GRAMD1B: variants seen among roughly 807,000 people sequenced by gnomAD.
GRAMD1B encodes the protein GRAM domain containing 1B.
GRAMD1B carries 37 observed loss-of-function variants against 99.7 expected under a neutral mutation model. The observed-to-expected ratio is 0.37, with a 90% confidence interval of 0.29 to 0.49. GRAMD1B has a LOEUF of 0.49. GRAMD1B is among the 20% of genes least tolerant of loss of function. The probability of loss-of-function intolerance (pLI) is 0.98; values close to 1 mark genes in which losing one functional copy is unlikely to be tolerated. For missense variants in GRAMD1B, 888 were observed against 1,009.2 expected (o/e 0.88, Z 1.63); for synonymous variants, 427 against 387.6 (o/e 1.10, Z -1.19).
chr11:123,441,250 T>C (rs1200928172), intron 1 of GRAMD1B, among the ~76,000 whole-genome samples: 1 of 151,872 alleles, frequency 6.6e-6, no homozygotes, highest in Non-Finnish European at 1.5e-5. Flanking sequence ...TACTCACTCA[T>C]TCTCGAAAGA....
chr11:123,466,632 CCA>C, intron 1 of GRAMD1B, among the ~76,000 whole-genome samples: 1 of 152,110 alleles, frequency 6.6e-6, no homozygotes, highest in Non-Finnish European at 1.5e-5. Context: ...AAGAGATTTT[CCA>C]CAGGCAGGAA....
chr11:123,399,614 A>T (rs1259748626), intron 1 of GRAMD1B, among the ~76,000 whole-genome samples: 2 of 151,336 alleles, frequency 1.3e-5, no homozygotes, highest in African/African-American at 2.4e-5. Context: ...TTTTGTATTT[A>T]TTTATTTATT....
chr11:123,574,207 A>G (rs1345455462), intron 2 of GRAMD1B, among the ~76,000 whole-genome samples: 1 of 152,150 alleles, frequency 6.6e-6, no homozygotes, highest in Non-Finnish European at 1.5e-5. Context: ...TATTAAGGGA[A>G]TTGGGGGAAA....
rs532362759 is a variant in GRAMD1B, at chr11:123,448,461, T to G, written c.374+17295T>G. On this transcript the variant is annotated intron_variant, in intron 1 of 19. Transcript: ENST00000635736. ...TCTCATACGCTTGGTCTCAAGCAAT[T>G]CGCCCGCCTTGGCCTCCCAAGTGCT... Among the ~76,000 whole-genome samples the G allele has an allele frequency of 3.9e-5, 6 of 152,112 alleles. No individual in the cohort carries two copies. The East Asian group carries it at 1.2e-3, about 30-fold the overall frequency.
At chr11:123,403,353 G>A (rs1947734058) in intron 1 of GRAMD1B, among the ~76,000 whole-genome samples, 1 of 151,214 alleles carries the variant, frequency 6.6e-6, no homozygotes, top group Non-Finnish European at 1.5e-5. Flanking sequence ...TTTGAACACA[G>A]GAGATGGAGG....
At chr11:123,549,361 G>A (rs1315650224) in intron 2 of GRAMD1B, among the ~76,000 whole-genome samples, 2 of 152,022 alleles carry the variant, frequency 1.3e-5, no homozygotes, top group Admixed American at 6.6e-5. Flanking sequence ...TGGCTAAGAC[G>A]GTGAAACCAT....
chr11:123,598,455 A>G, intron 7 of GRAMD1B: 1 of 991,046 alleles, frequency 1.0e-6, no homozygotes, highest in East Asian at 2.4e-5. Flanking sequence ...TTCTCCGAGA[A>G]TCTCTACGTA....
chr11:123,619,334 T>C, intron 19 of GRAMD1B, 110 bp downstream of exon 19: 1 of 1,526,474 alleles, frequency 6.6e-7, no homozygotes, highest in Non-Finnish European at 8.8e-7. Flanking sequence ...GACTTCTCCC[T>C]CCAATTCATT....
In GRAMD1B at chr11:123,595,828, T is replaced by A. The variant is rs2136597406; in HGVS notation, c.874-114T>A. On this transcript the variant is annotated intron_variant, in intron 6 of 19. Transcript: ENST00000635736. ...ACCAATGCGGCCTCTTCCAGGGTTA[T>A]AAATATGTGATCTGATTGCCTCTGT... 6.6e-6 allele frequency: 4 copies of A among 605,800 alleles called. No homozygotes were observed. In the East Asian group the frequency reaches 8.6e-5, roughly 13 times the overall value. 37.5% of individuals were successfully genotyped at this position (605,800 alleles called of 1,614,324 possible).
intron 1 of GRAMD1B, among the ~76,000 whole-genome samples, chr11:123,391,389 C>T (rs568293338): frequency 6.6e-6 from 1 of 152,222 alleles, no homozygotes; most frequent in African/African-American, 2.4e-5. Context: ...CTTTCTGTCA[C>T]CTCATTGAAA....
At chr11:123,374,819 G>A (rs376507522) in intron 1 of GRAMD1B, among the ~76,000 whole-genome samples, 1 of 152,276 alleles carries the variant, frequency 6.6e-6, no homozygotes, top group South Asian at 2.1e-4. Context: ...CTGGTGCTGC[G>A]TTGCCATGAG....
Position 123,430,782 on chromosome 11 carries a change from C to A in GRAMD1B, c.-11C>A. 1.5e-6 allele frequency: 1 copy of A among 668,252 alleles called. No homozygotes were observed. Among genetic ancestry groups the A allele is most frequent in the South Asian group, 1.6e-5 (1 of 61,058 alleles). The allele number at this position is 668,252 out of a possible 1,614,324, so 41.4% of individuals were successfully genotyped here. A position where few individuals can be genotyped will look rare whatever the true frequency, so the allele number is the denominator to read the frequency against. On this transcript the variant is annotated 5_prime_UTR_variant, in exon 1 of 20. Transcript: ENST00000635736. ...GGAGGGCTCAGGGGGAGCGCAGAGG[C>A]GACGGCCCCCATGCCGGCGGCCAAC...
In GRAMD1B at chr11:123,414,427, C is replaced by T. The variant is rs143458675; in HGVS notation, c.-176+55628C>T. Among the ~76,000 whole-genome samples, 642 of 152,278 alleles carry T rather than the reference C, an allele frequency of 4.2e-3. 2 individuals carry two copies. The highest frequency in any genetic ancestry group is 6.8e-3 in the Non-Finnish European group (461 of 68,010). On this transcript the variant is annotated intron_variant, in intron 1 of 20. Coordinates refer to the GRAMD1B transcript ENST00000638157. ...TTATTGTGTGCCAGGGACAGTGTTA[C>T]GTACTCTGCACCACATCTCACTTAA...
chr11:123,491,416 G>A (rs969152565), intron 2 of GRAMD1B, among the ~76,000 whole-genome samples: 1 of 152,092 alleles, frequency 6.6e-6, no homozygotes, highest in Non-Finnish European at 1.5e-5. Flanking sequence ...CCCTTACCAT[G>A]GGGAGAGAGC....
intron 3 of GRAMD1B, among the ~76,000 whole-genome samples, chr11:123,583,395 C>CGT (rs754520823): frequency 0.29 from 23,760 of 81,054 alleles, 1,905 homozygotes; most frequent in East Asian, 0.45. Context: ...TGTATGTGTG[C>CGT]GTGTGTGTGT....
chr11:123,445,641 C>A (rs1460574999), intron 1 of GRAMD1B, among the ~76,000 whole-genome samples: 1 of 151,920 alleles, frequency 6.6e-6, no homozygotes, highest in East Asian at 1.9e-4. Flanking sequence ...CATGGTGAAA[C>A]CCCCTCTCTA....
At chr11:123,412,550 C>A (rs995044501) in intron 1 of GRAMD1B, among the ~76,000 whole-genome samples, 3 of 152,184 alleles carry the variant, frequency 2.0e-5, no homozygotes, top group African/African-American at 4.8e-5. Flanking sequence ...AATGCCCCCA[C>A]TCCTCCAAAC....
chr11:123,494,969 A>G (rs762138659), intron 2 of GRAMD1B, among the ~76,000 whole-genome samples: 17 of 152,162 alleles, frequency 1.1e-4, no homozygotes, highest in Non-Finnish European at 2.1e-4. Context: ...CTGATTAATC[A>G]TGTAAGCTCG....
At chr11:123,608,310 G>A (rs1953024345) in intron 11 of GRAMD1B, 1 of 603,932 alleles carries the variant, frequency 1.7e-6, no homozygotes, top group Non-Finnish European at 2.9e-6. Flanking sequence ...CATTCTTTGG[G>A]TTTAGGCAAC....
Sources: allele counts gnomAD v4.1 joint callset (sites outside exome capture counted in the v4.1 genomes callset), GRCh38; gene constraint gnomAD v4.1.1; transcripts MANE v1.5; gene names NCBI Gene and HGNC (gene_info 2026-07-23, HGNC 2026-07-21).